The following SYNE1 variants were observed in gnomAD, a reference collection of about 807,000 sequenced individuals.
SYNE1 encodes nesprin-1.
Under a neutral mutation model 1,111.0 loss-of-function variants are expected in SYNE1, and 616 were observed. That is an observed-to-expected ratio of 0.55 (90% CI 0.52 to 0.59). SYNE1 has a LOEUF of 0.59. SYNE1 is among the 20% of genes least tolerant of loss of function. SYNE1 has a pLI of 0.00. For synonymous variants in SYNE1, 3,855 were observed against 3,825.8 expected (o/e 1.01, Z -0.28); for missense variants, 10,006 against 10,417.0 (o/e 0.96, Z 1.72).
intron 40 of SYNE1, among the ~76,000 whole-genome samples, 180 bp downstream of exon 40, chr6:152,419,389 A>G (rs1226922493): frequency 6.6e-6 from 1 of 152,196 alleles, no homozygotes; most frequent in Non-Finnish European, 1.5e-5. Flanking sequence ...TATCTGCTTA[A>G]TTGGTCTGCA....
In SYNE1 at chr6:152,468,906, G is replaced by C. The variant is rs543542449; in HGVS notation, c.1632+2691C>G. Among the ~76,000 whole-genome samples, 4 of 152,220 alleles carry C rather than the reference G, an allele frequency of 2.6e-5. No individual in the cohort carries two copies. In the East Asian group the frequency reaches 7.7e-4, roughly 29 times the overall value. On this transcript the variant is annotated intron_variant, in intron 16 of 145. Coordinates refer to ENST00000367255, the MANE Select transcript of SYNE1 (RefSeq NM_182961.4). Reference sequence around the variant, plus strand: ...TCCTCCTGCCTCAGCCTCCTGAGTGGTTGAAACTACAGGTGCACACCATGA... The same window carrying C: ...TCCTCCTGCCTCAGCCTCCTGAGTGCTTGAAACTACAGGTGCACACCATGA...
intron 113 of SYNE1, among the ~76,000 whole-genome samples, 167 bp downstream of exon 113, chr6:152,231,949 T>A (rs1193462093): frequency 6.6e-6 from 1 of 152,172 alleles, no homozygotes; most frequent in Non-Finnish European, 1.5e-5. Context: ...ATATTTCTTC[T>A]TATTTCTATA....
intron 22 of SYNE1, among the ~76,000 whole-genome samples, chr6:152,456,490 C>CTATATATATATA (rs139681123): frequency 1.4e-5 from 2 of 148,012 alleles, no homozygotes; most frequent in Non-Finnish European, 3.0e-5. Flanking sequence ...AAGAGATGCA[C>CTATATATATATA]TATATATATA....
chr6:152,377,633 AAAAAAAAATATATATAT>A (rs2097312549), intron 56 of SYNE1, among the ~76,000 whole-genome samples: 1 of 81,536 alleles, frequency 1.2e-5, no homozygotes, highest in African/African-American at 6.2e-5. Context: ...AAAAAAAAAA[AAAAAAAAATATATATAT>A]ATATATATAT....
intron 32 of SYNE1, among the ~76,000 whole-genome samples, chr6:152,439,392 A>T (rs1054213393): frequency 3.3e-5 from 5 of 152,144 alleles, no homozygotes; most frequent in Non-Finnish European, 5.9e-5. Flanking sequence ...TACACGAAAT[A>T]ATTTATTTAT....
chr6:152,595,170 A>G (rs1299564221), intron 3 of SYNE1, among the ~76,000 whole-genome samples: 1 of 152,260 alleles, frequency 6.6e-6, no homozygotes, highest in African/African-American at 2.4e-5. Flanking sequence ...TCACTTCTAC[A>G]TTCTTCCTTC....
intron 33 of SYNE1, 134 bp downstream of exon 33, chr6:152,435,807 G>T: frequency 9.0e-7 from 1 of 1,113,712 alleles, no homozygotes; most frequent in Non-Finnish European, 1.3e-6. Flanking sequence ...TGAACTGTGA[G>T]TTGTTTCCTC....
chr6:152,260,838 T>C (rs1321019896), intron 101 of SYNE1, among the ~76,000 whole-genome samples: 2 of 152,040 alleles, frequency 1.3e-5, no homozygotes, highest in African/African-American at 4.8e-5. Context: ...TATGAGCATC[T>C]AGTGCTGCTA....
At position 152,170,773 on chromosome 6, in the gene SYNE1, T is replaced by C. The variant is rs375662465; in HGVS notation, c.23627+5621A>G. On this transcript the variant is annotated intron_variant, in intron 130 of 145. Transcript: ENST00000367255. Reference sequence around the variant, plus strand: ...CCTCTGGGATGAGAGCTGACCTCTATTGAACATATTCTATGCTTAGCGGTT... The same window carrying C: ...CCTCTGGGATGAGAGCTGACCTCTACTGAACATATTCTATGCTTAGCGGTT... Among the ~76,000 whole-genome samples, 44 of 152,356 alleles carry C rather than the reference T, an allele frequency of 2.9e-4. 2 individuals carry two copies. The highest frequency in any genetic ancestry group is 1.7e-3 in the Admixed American group (26 of 15,308).
At chr6:152,461,831 G>T in intron 20 of SYNE1, 91 bp from the exon 21 acceptor site, 1 of 1,542,752 alleles carries the variant, frequency 6.5e-7, no homozygotes, top group East Asian at 2.3e-5. Context: ...AAATCAATAT[G>T]CACTGTATAA....
intron 27 of SYNE1, among the ~76,000 whole-genome samples, chr6:152,449,852 A>G (rs113779393): frequency 6.4e-4 from 97 of 152,270 alleles, no homozygotes; most frequent in African/African-American, 2.1e-3. Flanking sequence ...GGGCAGGGTG[A>G]TGGGGGAGCT....
chr6:152,145,452 A>C, intron 137 of SYNE1: 1 of 1,588,416 alleles, frequency 6.3e-7, no homozygotes, highest in Non-Finnish European at 8.6e-7. Flanking sequence ...TATACAGGGG[A>C]GGGAGGGAGG....
At chr6:152,443,693 CATATT>C (rs1009301155) in intron 30 of SYNE1, among the ~76,000 whole-genome samples, 43 of 152,098 alleles carry the variant, frequency 2.8e-4, no homozygotes, top group Non-Finnish European at 2.9e-4. Flanking sequence ...CACACACAAA[CATATT>C]ATATAAATTA....
intron 3 of SYNE1, among the ~76,000 whole-genome samples, chr6:152,622,275 CTTTTA>C (rs890649374): frequency 6.6e-5 from 10 of 151,976 alleles, no homozygotes; most frequent in Non-Finnish European, 1.2e-4. Context: ...GTTTTTTAAA[CTTTTA>C]TTTTAAGTTT....
chr6:152,463,180 C>T (rs2098744232), intron 19 of SYNE1, among the ~76,000 whole-genome samples, 173 bp downstream of exon 19: 1 of 152,114 alleles, frequency 6.6e-6, no homozygotes. Flanking sequence ...TAATATTCCT[C>T]CATTATACAT....
At chr6:152,262,353 A>T (rs1466082246) in intron 100 of SYNE1, among the ~76,000 whole-genome samples, 165 bp from the exon 101 acceptor site, 3 of 152,252 alleles carry the variant, frequency 2.0e-5, no homozygotes, top group Admixed American at 6.5e-5. Context: ...ATCATAAAGC[A>T]ACTATATTCC....
In SYNE1 at chr6:152,494,727, T is replaced by C. The variant is rs564956398; in HGVS notation, c.939+4015A>G. On this transcript the variant is annotated intron_variant, in intron 11 of 145. Coordinates refer to ENST00000367255, the MANE Select transcript of SYNE1 (RefSeq NM_182961.4). ...TTCCTCACCATGCAAGGGTCCTCCA[T>C]CGTTAATGACTCTTTAATAAAAACT... 4.7e-4 allele frequency among the ~76,000 whole-genome samples: 72 copies of C among 152,300 alleles called. 1 individual carries two copies. Among genetic ancestry groups the C allele is most frequent in the African/African-American group, 1.7e-3 (71 of 41,552 alleles).
chr6:152,471,647 T>C lies in SYNE1; in HGVS notation c.1582A>G (p.Ile528Val). The C allele has an allele frequency of 1.2e-6, 2 of 1,614,048 alleles. No individual in the cohort carries two copies. Among genetic ancestry groups the C allele is most frequent in the Non-Finnish European group, 1.7e-6 (2 of 1,179,904 alleles). ...LAESKLKSWI[I>V]KYGRRESVEQ... ...ACTGACTCTCTCCTCCCGTACTTAA[T>C]GATCCAAGACTTCAGCTTTGACTCT... is the stretch of plus-strand genomic sequence containing the variant. Residue 528 changes from isoleucine (I) to valine (V), a missense_variant, in exon 16 of 146, where the codon ATT becomes GTT. Around this residue, in one of 7 missense-constraint regions of SYNE1, gnomAD observed 1,971 missense variants for 2,084.1 expected, o/e 0.95. Coordinates refer to ENST00000367255, the MANE Select transcript of SYNE1 (RefSeq NM_182961.4).
intron 110 of SYNE1, among the ~76,000 whole-genome samples, chr6:152,235,641 G>T (rs963298217): frequency 6.6e-6 from 1 of 152,162 alleles, no homozygotes; most frequent in Non-Finnish European, 1.5e-5. Context: ...GATTACAGGC[G>T]TGAGCCACTG....
Sources: gnomAD v4.1 joint callset for allele counts (sites outside exome capture counted in the v4.1 genomes callset) on GRCh38, gnomAD v4.1.1 for gene constraint, gnomAD v4.1.1 regional missense constraint, MANE v1.5 for transcripts, NCBI Gene and HGNC (gene_info 2026-07-23, HGNC 2026-07-21) for gene names.